NRXN3: variants seen among roughly 807,000 people sequenced by gnomAD.
The protein encoded by NRXN3 is neurexin 3.
In NRXN3, 32 loss-of-function variants were observed where a neutral mutation model predicts 137.6. The observed-to-expected ratio is 0.23, with a 90% CI of 0.18 to 0.31. The LOEUF is 0.31. NRXN3 is among the 10% of genes least tolerant of loss of function. The probability of loss-of-function intolerance (pLI) is 1.00; values close to 1 mark genes in which losing one functional copy is unlikely to be tolerated. For missense variants in NRXN3, 1,574 were observed against 2,062.5 expected (o/e 0.76, Z 4.59); for synonymous variants, 798 against 784.5 (o/e 1.02, Z -0.29).
intron 11 of NRXN3, among the ~76,000 whole-genome samples, chr14:78,959,711 TG>T (rs1377357666): frequency 6.6e-6 from 1 of 152,200 alleles, no homozygotes; most frequent in African/African-American, 2.4e-5. Flanking sequence ...GATGTACAAA[TG>T]GTTACACTAT....
chr14:79,316,668 A>G (rs1345406427), intron 15 of NRXN3, among the ~76,000 whole-genome samples: 1 of 148,434 alleles, frequency 6.7e-6, no homozygotes, highest in Non-Finnish European at 1.5e-5. Flanking sequence ...TGCAGACTCC[A>G]CTCCTCAGGT....
At chr14:79,231,212 C>T (rs1008055644) in intron 15 of NRXN3, among the ~76,000 whole-genome samples, 5 of 152,096 alleles carry the variant, frequency 3.3e-5, no homozygotes, top group Non-Finnish European at 7.4e-5. Flanking sequence ...GGTAGAAGAA[C>T]TTGGTAAAAT....
chr14:79,125,215 A>T (rs4899732), intron 15 of NRXN3, among the ~76,000 whole-genome samples: 79,294 of 152,064 alleles, frequency 0.52, 22,905 homozygotes, highest in East Asian at 0.78. Flanking sequence ...GCCATTTCTG[A>T]CCACTATAAC....
At chr14:79,111,180 T>C (rs2053453112) in intron 15 of NRXN3, among the ~76,000 whole-genome samples, 1 of 152,116 alleles carries the variant, frequency 6.6e-6, no homozygotes, top group African/African-American at 2.4e-5. Flanking sequence ...CCATTGACTC[T>C]GGAATAGTGC....
chr14:78,266,197 T>C (rs939538782), intron 2 of NRXN3, among the ~76,000 whole-genome samples: 15 of 152,232 alleles, frequency 9.9e-5, no homozygotes, highest in African/African-American at 3.6e-4. Context: ...AAATAGTGAT[T>C]AATAATAATT....
intron 15 of NRXN3, among the ~76,000 whole-genome samples, chr14:79,197,410 T>C (rs901359931): frequency 2.0e-5 from 3 of 152,128 alleles, no homozygotes; most frequent in African/African-American, 7.2e-5. Flanking sequence ...AAGAGTGTGG[T>C]TCTCAGTTGC....
intron 19 of NRXN3, among the ~76,000 whole-genome samples, chr14:79,766,881 T>G (rs4899749): frequency 0.53 from 80,406 of 151,938 alleles, 21,820 homozygotes; most frequent in Middle Eastern, 0.65. Flanking sequence ...CATTTGGAAT[T>G]GCAAGTAGTC....
intron 15 of NRXN3, among the ~76,000 whole-genome samples, chr14:79,147,616 G>A (rs185181924): frequency 6.6e-6 from 1 of 152,152 alleles, no homozygotes; most frequent in Admixed American, 6.6e-5. Context: ...ACCAAATCAA[G>A]AGGCAAGACC....
intron 15 of NRXN3, among the ~76,000 whole-genome samples, chr14:79,396,928 A>G (rs1045134845): frequency 1.3e-5 from 2 of 152,184 alleles, no homozygotes; most frequent in African/African-American, 2.4e-5. Context: ...CCACTGAAGA[A>G]AGAAAATCCT....
chr14:79,369,004 C>T (rs2093995624), intron 15 of NRXN3, among the ~76,000 whole-genome samples: 1 of 152,158 alleles, frequency 6.6e-6, no homozygotes, highest in Non-Finnish European at 1.5e-5. Flanking sequence ...TACCTTTCAC[C>T]ACTGGATAAT....
intron 4 of NRXN3, among the ~76,000 whole-genome samples, chr14:78,528,801 CA>C (rs1272470152): frequency 6.6e-6 from 1 of 152,096 alleles, no homozygotes; most frequent in Admixed American, 6.5e-5. Flanking sequence ...CTTTGTTTAG[CA>C]TGGATATTTC....
At chr14:79,496,224 C>G (rs542640664) in intron 16 of NRXN3, among the ~76,000 whole-genome samples, 1 of 143,952 alleles carries the variant, frequency 6.9e-6, no homozygotes, top group Non-Finnish European at 1.5e-5. Flanking sequence ...TTCTCTCTCT[C>G]TCTCTCTCTC....
intron 10 of NRXN3, among the ~76,000 whole-genome samples, chr14:78,922,611 C>T (rs1044436168): frequency 1.2e-4 from 19 of 152,116 alleles, no homozygotes; most frequent in African/African-American, 9.7e-5. Context: ...GAAAACCAAA[C>T]GCCACATGTT....
intron 1 of NRXN3, among the ~76,000 whole-genome samples, chr14:78,218,802 A>G (rs1392829993): frequency 6.6e-6 from 1 of 152,200 alleles, no homozygotes; most frequent in Non-Finnish European, 1.5e-5. Flanking sequence ...GATTTCTGAA[A>G]GAGAGCCCCT....
intron 15 of NRXN3, among the ~76,000 whole-genome samples, chr14:79,259,557 G>A (rs957148140): frequency 4.1e-5 from 6 of 147,134 alleles, no homozygotes; most frequent in East Asian, 4.0e-4. Flanking sequence ...ATATATAGCT[G>A]TATATATAGT....
intron 10 of NRXN3, among the ~76,000 whole-genome samples, chr14:78,899,103 T>A (rs1009684412): frequency 2.0e-5 from 3 of 151,930 alleles, no homozygotes; most frequent in Non-Finnish European, 4.4e-5. Context: ...ACAGTCTGCA[T>A]AGATAGAATG....
intron 4 of NRXN3, among the ~76,000 whole-genome samples, chr14:78,563,101 G>A (rs1290700187): frequency 6.6e-6 from 1 of 152,182 alleles, no homozygotes; most frequent in African/African-American, 2.4e-5. Context: ...TGTGACCAAG[G>A]CTTCTCACAG....
intron 15 of NRXN3, among the ~76,000 whole-genome samples, chr14:79,319,613 G>C (rs1186999107): frequency 6.6e-6 from 1 of 152,334 alleles, no homozygotes; most frequent in East Asian, 1.9e-4. Context: ...AGAGTGAAAA[G>C]GTGTGAGATG....
At chr14:78,257,798 C>T (rs2069924036) in intron 2 of NRXN3, among the ~76,000 whole-genome samples, 1 of 152,130 alleles carries the variant, frequency 6.6e-6, no homozygotes, top group Admixed American at 6.5e-5. Flanking sequence ...TGAATTGTGA[C>T]ACAGTCAGAT....
Sources: gnomAD v4.1 joint callset for allele counts (sites outside exome capture counted in the v4.1 genomes callset) on GRCh38, gnomAD v4.1.1 for gene constraint, MANE v1.5 for transcripts, NCBI Gene and HGNC (gene_info 2026-07-23, HGNC 2026-07-21) for gene names.